GCNT2: variants seen among roughly 807,000 people sequenced by gnomAD.
GCNT2 encodes N-acetyllactosaminide beta-1,6-N-acetylglucosaminyl-transferase.
Under a neutral mutation model 34.2 loss-of-function variants are expected in GCNT2, and 34 were observed. The ratio of observed to expected loss-of-function variants is 1.00; its 90% confidence interval spans 0.76 to 1.32. The LOEUF (loss-of-function observed/expected upper bound fraction) is 1.32. GCNT2 is among the 40% of genes most tolerant of loss of function. The probability of loss-of-function intolerance (pLI) is 0.00; values close to 1 mark genes in which losing one functional copy is unlikely to be tolerated. For synonymous variants in GCNT2, 212 were observed against 188.0 expected, an observed-to-expected ratio of 1.13 and a Z score of -1.04; for missense variants, 584 against 489.4, an observed-to-expected ratio of 1.19 and a Z score of -1.82.
At chr6:10,625,972 T>A (rs1247183908) in intron 4 of GCNT2, among the ~76,000 whole-genome samples, 4 of 152,234 alleles carry the variant, frequency 2.6e-5, no homozygotes, top group Non-Finnish European at 5.9e-5. Flanking sequence ...ATAAAAGATA[T>A]ATGCTCTCTT....
At chr6:10,570,527 T>C (rs1763511095) in intron 3 of GCNT2, among the ~76,000 whole-genome samples, 1 of 152,244 alleles carries the variant, frequency 6.6e-6, no homozygotes, top group Non-Finnish European at 1.5e-5. Context: ...ACTGATAAAT[T>C]TAGCTTCGTG....
intron 3 of GCNT2, among the ~76,000 whole-genome samples, chr6:10,562,931 G>A (rs1366549272): frequency 6.6e-6 from 1 of 152,096 alleles, no homozygotes; most frequent in Non-Finnish European, 1.5e-5. Context: ...GACTGAGGTG[G>A]GTGGATCACC....
At chr6:10,582,622 ATT>A (rs1491150507) in intron 3 of GCNT2, among the ~76,000 whole-genome samples, 1 of 140,756 alleles carries the variant, frequency 7.1e-6, no homozygotes, top group Non-Finnish European at 1.5e-5. Context: ...AAATATATAT[ATT>A]TTTTTTCCCA....
At chr6:10,578,000 T>A (rs759650194) in intron 3 of GCNT2, among the ~76,000 whole-genome samples, 15 of 152,174 alleles carry the variant, frequency 9.9e-5, no homozygotes, top group Middle Eastern at 3.2e-3. Flanking sequence ...GTGGGTTTAT[T>A]TGTTGTCTTT....
At chr6:10,563,279 G>A (rs779136311) in intron 3 of GCNT2, among the ~76,000 whole-genome samples, 5 of 152,090 alleles carry the variant, frequency 3.3e-5, no homozygotes, top group South Asian at 2.1e-4. Context: ...TGACCTAACC[G>A]TACCCTTTTC....
intron 1 of GCNT2, among the ~76,000 whole-genome samples, chr6:10,522,034 T>C (rs905908687): frequency 5.3e-5 from 8 of 151,908 alleles, no homozygotes; most frequent in Non-Finnish European, 8.8e-5. Context: ...ACTACAGGCA[T>C]GCACAACCAA....
At chr6:10,546,306 C>T (rs1762262518) in intron 3 of GCNT2, among the ~76,000 whole-genome samples, 1 of 152,082 alleles carries the variant, frequency 6.6e-6, no homozygotes, top group South Asian at 2.1e-4. Flanking sequence ...GCCCACTGAA[C>T]CCCTGTGTAG....
chr6:10,554,922 C>CG (rs1195984420), intron 3 of GCNT2, among the ~76,000 whole-genome samples: 1 of 152,142 alleles, frequency 6.6e-6, no homozygotes, highest in Admixed American at 6.5e-5. Context: ...AGAATGGAAG[C>CG]GACAGTGTGC....
chr6:10,566,090 A>C (rs1314010722), intron 3 of GCNT2, among the ~76,000 whole-genome samples: 1 of 148,736 alleles, frequency 6.7e-6, no homozygotes, highest in African/African-American at 2.5e-5. Flanking sequence ...CTGTTCTGCC[A>C]CTCCCAGCCT....
chr6:10,553,632 G>A (rs9466716), intron 3 of GCNT2, among the ~76,000 whole-genome samples: 17,488 of 152,256 alleles, frequency 0.11, 1,081 homozygotes, highest in Middle Eastern at 0.18. Flanking sequence ...GGTGGCTCAC[G>A]CCTGTAATCC....
chr6:10,534,157 T>TTTTTTTTTTTTTTTTTTTTTTTTTTTTG (rs1411848198), intron 3 of GCNT2, among the ~76,000 whole-genome samples: 3 of 145,246 alleles, frequency 2.1e-5, no homozygotes, highest in Admixed American at 6.9e-5. Context: ...TTTTTTTTTT[T>TTTTTTTTTTTTTTTTTTTTTTTTTTTTG]TTAAGATGGA....
At chr6:10,538,447 T>C (rs1242164328) in intron 3 of GCNT2, among the ~76,000 whole-genome samples, 1 of 130,368 alleles carries the variant, frequency 7.7e-6, no homozygotes, top group Non-Finnish European at 1.6e-5. Flanking sequence ...AATATATATA[T>C]ATATATATAT....
In GCNT2 at chr6:10,574,728, A is replaced by AT. The variant is rs55677533; in HGVS notation, c.925+44901dup. The AT allele has an allele frequency of 2.5e-3, 1,263 of 500,680 alleles. 5 individuals are homozygous for AT. The highest frequency in any genetic ancestry group is 0.012 in the African/African-American group (629 of 50,812). 31.0% of individuals were successfully genotyped at this position (500,680 alleles called of 1,614,324 possible). A position where few individuals can be genotyped will look rare whatever the true frequency, so the allele number is the denominator to read the frequency against. On this transcript the variant is annotated intron_variant, in intron 3 of 4. Coordinates refer to ENST00000495262, the MANE Select transcript of GCNT2 (RefSeq NM_145649.5). Reference sequence around the variant, plus strand: ...TTGTTTTACAGTCTAGAGGTCTTTTATTTTTTTTTAACACCTATGATGCCA... The same window carrying AT: ...TTGTTTTACAGTCTAGAGGTCTTTTATTTTTTTTTTAACACCTATGATGCCA...
At chr6:10,586,352 A>G in intron 3 of GCNT2, 6 of 1,614,166 alleles carry the variant, frequency 3.7e-6, no homozygotes, top group Non-Finnish European at 5.1e-6. Context: ...ATATGCCCCA[A>G]AATGTCTACT....
intron 1 of GCNT2, among the ~76,000 whole-genome samples, chr6:10,524,663 A>T (rs895140854): frequency 3.3e-5 from 5 of 152,054 alleles, no homozygotes; most frequent in Non-Finnish European, 7.4e-5. Context: ...TTGAAAAAGG[A>T]CAAAATGATA....
intron 3 of GCNT2, among the ~76,000 whole-genome samples, chr6:10,604,903 A>T (rs1448608199): frequency 6.6e-6 from 1 of 151,710 alleles, no homozygotes; most frequent in African/African-American, 2.4e-5. Flanking sequence ...TTATCTTTAT[A>T]AAAAAGATGT....
intron 3 of GCNT2, among the ~76,000 whole-genome samples, chr6:10,531,054 A>C (rs1334779771): frequency 2.6e-5 from 4 of 152,116 alleles, no homozygotes; most frequent in Admixed American, 2.6e-4. Context: ...AAAAAAAAAA[A>C]AAAGATTTCT....
intron 1 of GCNT2, among the ~76,000 whole-genome samples, chr6:10,523,125 AAGACCAGCTTTC>A (rs1760999472): frequency 6.6e-6 from 1 of 152,212 alleles, no homozygotes; most frequent in Non-Finnish European, 1.5e-5. Context: ...TGAGCTTGAA[AAGACCAGCTTTC>A]AGCCAGGCGC....
rs763720351 is a variant in GCNT2, at chr6:10,529,800, G to C, written c.889G>C (p.Asp297His). The C allele has an allele frequency of 6.2e-7, 1 of 1,614,038 alleles. No individual in the cohort carries two copies. Among genetic ancestry groups the C allele is most frequent in the Non-Finnish European group, 8.5e-7 (1 of 1,179,956 alleles). The change falls in exon 3 of 5, where the codon GAC becomes CAC. Residue 297 changes from aspartate to histidine, a missense_variant. Coordinates refer to ENST00000495262, the MANE Select transcript of GCNT2 (RefSeq NM_145649.5). Reference sequence around the variant, plus strand: ...CTGGTCCAAGGACACCTACAGCCCCGACGAACATTTCTGGGTGACACTCAA... The same window carrying C: ...CTGGTCCAAGGACACCTACAGCCCCCACGAACATTTCTGGGTGACACTCAA... ...LSWSKDTYSP[D>H]EHFWVTLNRI...
Sources: gnomAD v4.1 joint callset for allele counts (sites outside exome capture counted in the v4.1 genomes callset) on GRCh38, gnomAD v4.1.1 for gene constraint, MANE v1.5 for transcripts, NCBI Gene and HGNC (gene_info 2026-07-23, HGNC 2026-07-21) for gene names.